The following OTOGL variants were observed in gnomAD, a reference collection of about 807,000 sequenced individuals.
The protein encoded by OTOGL is otogelin like, also known as otogelin-like protein.
A neutral mutation model predicts 318.5 loss-of-function variants in OTOGL; 285 were observed. That is an observed-to-expected ratio of 0.89 (90% CI 0.81 to 0.99). The LOEUF (loss-of-function observed/expected upper bound fraction) is 0.99. Among genes scored for constraint, OTOGL ranks in the 50% least tolerant of loss-of-function variants. The probability of loss-of-function intolerance (pLI) is 0.00; values close to 1 mark genes in which losing one functional copy is unlikely to be tolerated. For synonymous variants in OTOGL, 987 were observed against 936.5 expected, an observed-to-expected ratio of 1.05 and a Z score of -0.99; for missense variants, 2,899 against 2,845.6, an observed-to-expected ratio of 1.02 and a Z score of -0.43.
At chr12:80,158,226 A>G (rs921096754) in intron 1 of OTOGL, among the ~76,000 whole-genome samples, 3 of 152,096 alleles carry the variant, frequency 2.0e-5, no homozygotes, top group African/African-American at 7.2e-5. Context: ...ACTGACATGA[A>G]GCTATTTATA....
intron 1 of OTOGL, among the ~76,000 whole-genome samples, chr12:80,164,274 G>T (rs1490266576): frequency 6.6e-6 from 1 of 151,964 alleles, no homozygotes. Flanking sequence ...ACTATTTCAG[G>T]GTATACATAC....
intron 1 of OTOGL, among the ~76,000 whole-genome samples, chr12:80,165,810 G>C (rs1035655059): frequency 6.6e-6 from 1 of 152,164 alleles, no homozygotes; most frequent in Non-Finnish European, 1.5e-5. Flanking sequence ...AGCTTCCACT[G>C]TTGCCAGTCC....
intron 1 of OTOGL, among the ~76,000 whole-genome samples, chr12:80,150,938 A>T (rs1872747419): frequency 1.3e-5 from 2 of 150,126 alleles, no homozygotes; most frequent in African/African-American, 4.8e-5. Flanking sequence ...AAAAGGACAA[A>T]ATAATATTTG....
Position 80,378,243 on chromosome 12 carries a change from T to C in OTOGL, c.*195T>C. Reference sequence around the variant, plus strand: ...CAAAATTAAATTTATTGCTTTACTCTATTTTAGAAAATCAAATGACTGTAA... The same window carrying C: ...CAAAATTAAATTTATTGCTTTACTCCATTTTAGAAAATCAAATGACTGTAA... On this transcript the variant is annotated 3_prime_UTR_variant, in exon 59 of 59. Transcript: ENST00000547103. 2.1e-6 allele frequency: 1 copy of C among 487,214 alleles called. No homozygotes were observed. Among genetic ancestry groups the C allele is most frequent in the Non-Finnish European group, 3.6e-6 (1 of 277,924 alleles). The allele number at this position is 487,214 out of a possible 1,614,324, so 30.2% of individuals were successfully genotyped here.
Position 80,318,713 on chromosome 12 carries a change from T to C in OTOGL, c.3802T>C (p.Ser1268Pro). ...AGGCCTTTTCAAAGAGAAGGTATCA[T>C]GTAAGTATAATTGAAAATAAGAGTT... ...TPGLFKEKVS[S>P]LALVSLESAE... is the part of the protein sequence containing the mutation. Residue 1268 changes from serine (S) to proline (P), a missense_variant and splice_region_variant, in exon 33 of 59, where the codon TCA (serine) becomes CCA (proline). This residue lies in a region of OTOGL where 2,607 missense variants were observed against 2,524.9 expected (regional missense o/e 1.03). Coordinates refer to ENST00000547103, the MANE Select transcript of OTOGL (RefSeq NM_001378609.3). The C allele has an allele frequency of 2.4e-6, 3 of 1,252,244 alleles. No homozygotes were observed. Among genetic ancestry groups the C allele is most frequent in the Non-Finnish European group, 3.1e-6 (3 of 978,026 alleles). 77.6% of individuals were successfully genotyped at this position (1,252,244 alleles called of 1,614,324 possible).
At chr12:80,344,250 G>C (rs1889020878) in intron 44 of OTOGL, among the ~76,000 whole-genome samples, 1 of 152,120 alleles carries the variant, frequency 6.6e-6, no homozygotes, top group South Asian at 2.1e-4. Context: ...TTTTAAAATT[G>C]CGTTTTTAAC....
intron 6 of OTOGL, among the ~76,000 whole-genome samples, chr12:80,221,343 C>G (rs1371350032): frequency 6.7e-6 from 1 of 150,114 alleles, no homozygotes; most frequent in Non-Finnish European, 1.5e-5. Context: ...TGGCTCACTG[C>G]AACCTCCGCC....
At chr12:80,103,339 C>T (rs906869048) in intron 1 of OTOGL, 18 of 1,451,992 alleles carry the variant, frequency 1.2e-5, no homozygotes, top group Non-Finnish European at 1.4e-5. Context: ...TTCATTTTGG[C>T]CGCTCCCGCT....
intron 1 of OTOGL, among the ~76,000 whole-genome samples, chr12:80,205,365 AAAAC>A (rs958097642): frequency 1.3e-5 from 2 of 152,234 alleles, no homozygotes; most frequent in African/African-American, 4.8e-5. Flanking sequence ...AGCAAGTTGA[AAAAC>A]AAATGTCGCT....
chr12:80,266,242 G>T (rs1882952376), intron 20 of OTOGL, among the ~76,000 whole-genome samples: 1 of 152,092 alleles, frequency 6.6e-6, no homozygotes, highest in Non-Finnish European at 1.5e-5. Flanking sequence ...CTTACCATTT[G>T]GCCCTTTGCA....
At chr12:80,131,231 A>G (rs1223084254) in intron 1 of OTOGL, 1 of 152,268 alleles carries the variant, frequency 6.6e-6, no homozygotes. Context: ...TCCTACCCAT[A>G]GAAAATCTGG....
intron 27 of OTOGL, among the ~76,000 whole-genome samples, chr12:80,300,480 C>A (rs1035750700): frequency 1.3e-5 from 2 of 151,904 alleles, no homozygotes; most frequent in African/African-American, 4.8e-5. Flanking sequence ...GCTTCAAGGC[C>A]CAGACACATG....
chr12:80,215,407 T>C (rs1172012912), intron 4 of OTOGL, among the ~76,000 whole-genome samples: 1 of 151,998 alleles, frequency 6.6e-6, no homozygotes, highest in Non-Finnish European at 1.5e-5. Flanking sequence ...CCTCAGGAGA[T>C]CCACCCACCA....
chr12:80,267,187 C>T, intron 21 of OTOGL, 66 bp from the exon 22 acceptor site: 1 of 1,013,656 alleles, frequency 9.9e-7, no homozygotes, highest in East Asian at 3.1e-5. Flanking sequence ...AGCACAAGGT[C>T]AGCTTGAATT....
At position 80,352,383 on chromosome 12, in the gene OTOGL, C is replaced by T. The variant is rs1889605290; in HGVS notation, c.5354C>T (p.Ala1785Val). ...TGTGATGCACTTTCTGCATATGTGG[C>T]TCTGTGCAACAAGTTTGATATCTGT... ...YECDALSAYV[A>V]LCNKFDICIQ... Residue 1785 changes from alanine (A) to valine (V), a missense_variant, in exon 45 of 59, where the codon GCT (alanine) becomes GTT (valine). Physicochemically the swap from Ala to Val is moderately conservative, Grantham distance 64. Transcript: ENST00000547103. The T allele has an allele frequency of 6.2e-7, 1 of 1,612,344 alleles. No individual in the cohort carries two copies. The highest frequency in any genetic ancestry group is 8.5e-7 in the Non-Finnish European group (1 of 1,178,876).
At chr12:80,127,068 A>T (rs907671235) in intron 1 of OTOGL, among the ~76,000 whole-genome samples, 1 of 152,150 alleles carries the variant, frequency 6.6e-6, no homozygotes, top group Non-Finnish European at 1.5e-5. Flanking sequence ...TTATGTGTGA[A>T]TTTGATCCTG....
intron 1 of OTOGL, 71 bp from the exon 2 acceptor site, chr12:80,209,342 G>A (rs1007416775): frequency 1.3e-6 from 1 of 788,830 alleles, no homozygotes; most frequent in African/African-American, 1.8e-5. Context: ...ATTAGAATTT[G>A]AGTACCCTAC....
At chr12:80,356,744 T>A in intron 48 of OTOGL, 63 bp from the exon 49 acceptor site, 1 of 978,084 alleles carries the variant, frequency 1.0e-6, no homozygotes, top group Non-Finnish European at 1.5e-6. Context: ...CAAAGAGAGG[T>A]AAACACTATG....
chr12:80,367,884 A>G (rs1566020019), intron 54 of OTOGL, 145 bp downstream of exon 54: 4 of 627,558 alleles, frequency 6.4e-6, no homozygotes, highest in Non-Finnish European at 9.8e-6. Context: ...TAATATATCA[A>G]TAAAACACAG....
Sources: gnomAD v4.1 joint callset for allele counts (sites outside exome capture counted in the v4.1 genomes callset) on GRCh38, gnomAD v4.1.1 for gene constraint, gnomAD v4.1.1 regional missense constraint, MANE v1.5 for transcripts, NCBI Gene and HGNC (gene_info 2026-07-23, HGNC 2026-07-21) for gene names.